PLCE1: variants seen among roughly 807,000 people sequenced by gnomAD.
The protein encoded by PLCE1 is 1-phosphatidylinositol 4,5-bisphosphate phosphodiesterase epsilon-1.
In PLCE1, 119 loss-of-function variants were observed where a neutral mutation model predicts 242.8. The observed-to-expected ratio is 0.49, with a 90% CI of 0.42 to 0.57. PLCE1 has a LOEUF of 0.57. PLCE1 is among the 20% of genes least tolerant of loss of function. The pLI is 0.00. For missense variants in PLCE1, 2,441 were observed against 2,788.8 expected (o/e 0.88, Z 2.81); for synonymous variants, 945 against 1,017.4 (o/e 0.93, Z 1.35).
intron 1 of PLCE1, among the ~76,000 whole-genome samples, chr10:94,007,111 A>T (rs911721615): frequency 2.0e-5 from 2 of 100,250 alleles, no homozygotes; most frequent in Admixed American, 2.3e-4. Flanking sequence ...TTTCTAGGGG[A>T]AAAAAGAGGT....
At position 94,204,477 on chromosome 10, in the gene PLCE1, G is replaced by A. The variant is rs540356069; in HGVS notation, c.1810-22829G>A. ...AGGTCAGGAGTTCAAGATCATCCTG[G>A]CCAAGATGGTGAAACTGCGTCTTTA... On this transcript the variant is annotated intron_variant, in intron 4 of 32. Transcript: ENST00000371380. Among the ~76,000 whole-genome samples the A allele has an allele frequency of 2.0e-5, 3 of 152,104 alleles. No individual in the cohort carries two copies. In the South Asian group the frequency reaches 6.2e-4, roughly 32 times the overall value.
At chr10:94,281,603 C>T (rs1451038109) in intron 20 of PLCE1, among the ~76,000 whole-genome samples, 1 of 152,142 alleles carries the variant, frequency 6.6e-6, no homozygotes, top group Non-Finnish European at 1.5e-5. Context: ...GACTGTGATA[C>T]CTGGGGCAAT....
chr10:94,258,874 A>G lies in PLCE1; in HGVS notation c.3629A>G (p.Asp1210Gly). ...MKGFQSFMVS[D>G]SNMSFVEFVE... ...GGATTTCAGAGCTTCATGGTTTCAG[A>G]TAGCAACATGAGTTTTGTTGAATTT... The change falls in exon 12 of 33, where the codon GAT becomes GGT. Residue 1210 changes from aspartate (D) to glycine (G), a missense_variant. Transcript: ENST00000371380. 1 of 1,614,110 alleles carries G rather than the reference A, an allele frequency of 6.2e-7. No individual in the cohort carries two copies. Among genetic ancestry groups the G allele is most frequent in the Non-Finnish European group, 8.5e-7 (1 of 1,179,980 alleles).
intron 18 of PLCE1, among the ~76,000 whole-genome samples, chr10:94,272,758 C>T (rs2051794412): frequency 6.6e-6 from 1 of 152,174 alleles, no homozygotes; most frequent in Admixed American, 6.5e-5. Flanking sequence ...ATACTTCCCC[C>T]TTCCTTTAAT....
intron 3 of PLCE1, among the ~76,000 whole-genome samples, chr10:94,134,689 C>A (rs2046710979): frequency 6.6e-6 from 1 of 152,168 alleles, no homozygotes; most frequent in Admixed American, 6.5e-5. Context: ...TTCCACAGGT[C>A]TGTGGAGAGA....
chr10:94,189,139 T>G (rs529154060), intron 4 of PLCE1, among the ~76,000 whole-genome samples: 1 of 151,506 alleles, frequency 6.6e-6, no homozygotes, highest in Non-Finnish European at 1.5e-5. Flanking sequence ...AAAGACACTT[T>G]TAACTCACCA....
At chr10:94,178,370 G>T (rs550425275) in intron 4 of PLCE1, among the ~76,000 whole-genome samples, 1 of 152,252 alleles carries the variant, frequency 6.6e-6, no homozygotes, top group South Asian at 2.1e-4. Flanking sequence ...GACCCCAGCA[G>T]CTTCTACAAG....
intron 3 of PLCE1, chr10:94,138,595 G>T: frequency 2.3e-6 from 1 of 433,626 alleles, no homozygotes; most frequent in South Asian, 1.9e-5. Flanking sequence ...AACATCAAAG[G>T]GCATGTCAAG....
intron 8 of PLCE1, among the ~76,000 whole-genome samples, chr10:94,250,905 A>C (rs182969512): frequency 6.6e-6 from 1 of 152,286 alleles, no homozygotes; most frequent in East Asian, 1.9e-4. Flanking sequence ...GTTTATTCCA[A>C]TTTGAAGTCA....
chr10:94,251,162 G>A (rs1336670460), intron 8 of PLCE1, among the ~76,000 whole-genome samples: 3 of 152,282 alleles, frequency 2.0e-5, no homozygotes, highest in African/African-American at 7.2e-5. Context: ...GGTATGGTTA[G>A]AGAAGGGAGA....
intron 2 of PLCE1, among the ~76,000 whole-genome samples, chr10:94,049,139 C>T (rs2043691777): frequency 6.6e-6 from 1 of 151,834 alleles, no homozygotes; most frequent in Non-Finnish European, 1.5e-5. Flanking sequence ...ATTGTCTTTT[C>T]TTTTTTGTAA....
intron 14 of PLCE1, among the ~76,000 whole-genome samples, chr10:94,264,512 ATTTTTTT>A (rs59860171): frequency 0.074 from 5,395 of 72,988 alleles, 164 homozygotes; most frequent in African/African-American, 0.17. Flanking sequence ...ACATGATTTG[ATTTTTTT>A]TTTTTTTTTT....
intron 11 of PLCE1, among the ~76,000 whole-genome samples, chr10:94,258,358 C>A (rs569857093): frequency 7.9e-5 from 12 of 152,302 alleles, no homozygotes; most frequent in African/African-American, 2.9e-4. Flanking sequence ...AGAAAGGAAT[C>A]AGACAATACA....
intron 2 of PLCE1, among the ~76,000 whole-genome samples, chr10:94,058,524 G>A (rs532980884): frequency 1.3e-5 from 2 of 152,264 alleles, no homozygotes; most frequent in African/African-American, 4.8e-5. Context: ...GTTTCAATTA[G>A]TAGAGCAAGT....
In PLCE1 at chr10:94,236,013, T is replaced by C; in HGVS notation, c.2313T>C (p.Phe771=). ...SEKESTVNSI[F]QVIRSCNRSL... is the part of the protein sequence containing the mutation. ...AGGAGTCCACTGTCAACAGCATCTT[T>C]CAGGTCATCCGGAGCTGCAATCGAA... is the stretch of plus-strand genomic sequence containing the variant. Residue 771 remains phenylalanine (F), a synonymous_variant, in exon 7 of 33, where the codon TTT becomes TTC. Coordinates refer to ENST00000371380, the MANE Select transcript of PLCE1 (RefSeq NM_016341.4). 6.2e-7 allele frequency: 1 copy of C among 1,614,084 alleles called. No homozygotes were observed. Among genetic ancestry groups the C allele is most frequent in the Non-Finnish European group, 8.5e-7 (1 of 1,179,952 alleles).
chr10:94,260,897 C>T (rs767659311), intron 13 of PLCE1, among the ~76,000 whole-genome samples: 2 of 152,100 alleles, frequency 1.3e-5, no homozygotes, highest in Non-Finnish European at 2.9e-5. Context: ...TTCCAATATA[C>T]TCTCTTCTAC....
At chr10:94,181,206 C>T (rs530235069) in intron 4 of PLCE1, among the ~76,000 whole-genome samples, 1 of 152,170 alleles carries the variant, frequency 6.6e-6, no homozygotes, top group African/African-American at 2.4e-5. Flanking sequence ...AAAATGTGCA[C>T]GTATCCGTAG....
chr10:94,293,646 T>A lies in PLCE1; in HGVS notation c.5167+7T>A, dbSNP rs373854510. The A allele has an allele frequency of 1.3e-5, 21 of 1,613,228 alleles. No individual in the cohort carries two copies. The highest frequency in any genetic ancestry group is 1.8e-5 in the Non-Finnish European group (21 of 1,179,404). ...AACAAAACATCTGGAAAAAGTAAAG[T>A]CACTTTCTTACAATATCTTTGCTTG... is the stretch of plus-strand genomic sequence containing the variant. On this transcript the variant is annotated splice_region_variant and intron_variant, in intron 23 of 32. Coordinates refer to ENST00000371380, the MANE Select transcript of PLCE1 (RefSeq NM_016341.4).
At chr10:94,289,781 A>G (rs1207231675) in intron 22 of PLCE1, among the ~76,000 whole-genome samples, 1 of 152,202 alleles carries the variant, frequency 6.6e-6, no homozygotes, top group Non-Finnish European at 1.5e-5. Context: ...TGAGTGAGTG[A>G]TGAGTGAATG....
Sources: gnomAD v4.1 joint callset for allele counts (sites outside exome capture counted in the v4.1 genomes callset) on GRCh38, gnomAD v4.1.1 for gene constraint, MANE v1.5 for transcripts, NCBI Gene and HGNC (gene_info 2026-07-23, HGNC 2026-07-21) for gene names.